The following AFF2 variants were observed in gnomAD, a reference collection of about 807,000 sequenced individuals.
AFF2 encodes the protein AF4/FMR2 family member 2.
Under a neutral mutation model 76.9 loss-of-function variants are expected in AFF2, and 14 were observed. The ratio of observed to expected loss-of-function variants is 0.18; its 90% CI spans 0.12 to 0.28. The LOEUF (loss-of-function observed/expected upper bound fraction) is 0.28. Ranked by LOEUF, AFF2 falls within the 10% of genes least tolerant of loss-of-function variation. The pLI is 1.00. For missense variants in AFF2, 868 were observed against 1,001.1 expected, an observed-to-expected ratio of 0.87 and a Z score of 1.79; for synonymous variants, 398 against 366.7, an observed-to-expected ratio of 1.09 and a Z score of -0.98.
intron 3 of AFF2, among the ~76,000 whole-genome samples, chrX:148,673,584 A>G (rs782568555): frequency 1.4e-4 from 16 of 112,128 alleles, no homozygotes. Flanking sequence ...TGAAAATACT[A>G]TACATGTATC....
chrX:148,922,458 A>G (rs2071606510), intron 9 of AFF2, among the ~76,000 whole-genome samples: 1 of 112,348 alleles, frequency 8.9e-6, no homozygotes, highest in Non-Finnish European at 1.9e-5. Flanking sequence ...ATGGCTCAAA[A>G]ACATGAAGCT....
At chrX:148,689,888 T>G (rs1219663297) in intron 3 of AFF2, among the ~76,000 whole-genome samples, 1 of 112,417 alleles carries the variant, frequency 8.9e-6, no homozygotes, top group African/African-American at 3.2e-5. Context: ...TATTAGTTAT[T>G]TGCTTATTCA....
At chrX:148,635,275 AAG>A (rs2054019164) in intron 1 of AFF2, among the ~76,000 whole-genome samples, 1 of 110,814 alleles carries the variant, frequency 9.0e-6, no homozygotes, top group Non-Finnish European at 1.9e-5. Flanking sequence ...GGGTGAGAGA[AAG>A]AGAGATCTGA....
intron 9 of AFF2, among the ~76,000 whole-genome samples, chrX:148,928,678 C>G (rs1478107733): frequency 8.9e-6 from 1 of 112,142 alleles, no homozygotes. Context: ...CAGAAGCAGG[C>G]CCTGTTTGGT....
intron 9 of AFF2, among the ~76,000 whole-genome samples, chrX:148,927,000 G>A (rs782365759): frequency 1.2e-4 from 14 of 112,062 alleles, no homozygotes; most frequent in Non-Finnish European, 1.7e-4. Context: ...GACCTAAGGC[G>A]TCACTTTCTC....
At chrX:148,968,808 A>G (rs1334667335) in intron 15 of AFF2, among the ~76,000 whole-genome samples, 3 of 112,456 alleles carry the variant, frequency 2.7e-5, no homozygotes, top group Non-Finnish European at 3.8e-5. Context: ...ATGACAAGGC[A>G]GGCTGGGTGC....
At position 148,875,318 on chromosome X, in the gene AFF2, T is replaced by C. The variant is rs782644766; in HGVS notation, c.1263-10571T>C. On this transcript the variant is annotated intron_variant, in intron 7 of 20. Coordinates refer to ENST00000370460, the MANE Select transcript of AFF2 (RefSeq NM_002025.4). ...ATTGTGAATATCAATAAAAAGGTGATGTGTTTTTAAAAGATTAATAATTTA... is the reference window on the plus strand; with the variant it reads ...ATTGTGAATATCAATAAAAAGGTGACGTGTTTTTAAAAGATTAATAATTTA... 9.8e-5 allele frequency among the ~76,000 whole-genome samples: 11 copies of C among 112,396 alleles called. No homozygotes were observed. The South Asian group carries it at 3.7e-3, about 38-fold the overall frequency.
At chrX:148,842,945 C>T in intron 5 of AFF2, 21 bp from the exon 6 acceptor site, 1 of 1,167,047 alleles carries the variant, frequency 8.6e-7, no homozygotes, top group Non-Finnish European at 1.2e-6. Flanking sequence ...ATGTTTGTGT[C>T]ATATATATTA....
intron 1 of AFF2, among the ~76,000 whole-genome samples, chrX:148,623,943 T>A (rs2053896794): frequency 9.0e-6 from 1 of 111,384 alleles, no homozygotes; most frequent in African/African-American, 3.3e-5. Context: ...AGAAGGTCTG[T>A]GATAAGCTGG....
At chrX:148,831,114 A>C (rs782484569) in intron 4 of AFF2, among the ~76,000 whole-genome samples, 36 of 112,252 alleles carry the variant, frequency 3.2e-4, no homozygotes, top group Non-Finnish European at 5.3e-4. Context: ...CCAGACTTTA[A>C]GGTTATCTCC....
chrX:148,523,752 C>A (rs782755352), intron 1 of AFF2, among the ~76,000 whole-genome samples: 2 of 112,239 alleles, frequency 1.8e-5, no homozygotes, highest in Admixed American at 1.9e-4. Flanking sequence ...AACTGCTTTT[C>A]TTTTCTCTTT....
intron 6 of AFF2, 138 bp from the exon 7 acceptor site, chrX:148,843,244 C>G: frequency 1.9e-6 from 1 of 531,678 alleles, no homozygotes; most frequent in Non-Finnish European, 3.0e-6. Context: ...ACTGGTTCCC[C>G]CCCTTTTTTT....
chrX:148,991,245 T>C lies in AFF2; in HGVS notation c.3849T>C (p.Pro1283=). The change falls in exon 21 of 21, where the codon CCT becomes CCC. Residue 1283 remains proline (P), a synonymous_variant. Coordinates refer to ENST00000370460, the MANE Select transcript of AFF2 (RefSeq NM_002025.4). ...FFGDLDTLMG[P]LTQHSSMTNL... is the part of the protein sequence containing the mutation. ...GTGATCTGGACACGCTGATGGGGCC[T>C]CTGACCCAGCACAGCAGCATGACCA... 2.5e-6 allele frequency: 3 copies of C among 1,209,125 alleles called. No individual in the cohort carries two copies. Among genetic ancestry groups the C allele is most frequent in the Non-Finnish European group, 2.2e-6 (2 of 893,789 alleles).
chrX:148,765,239 T>G (rs1024779564), intron 3 of AFF2, among the ~76,000 whole-genome samples: 3 of 111,706 alleles, frequency 2.7e-5, no homozygotes, highest in Non-Finnish European at 5.6e-5. Context: ...ATTTTCTTTT[T>G]TCTTCTTCCC....
At chrX:148,872,750 T>C (rs2070992758) in intron 7 of AFF2, among the ~76,000 whole-genome samples, 1 of 111,619 alleles carries the variant, frequency 9.0e-6, no homozygotes, top group Non-Finnish European at 1.9e-5. Context: ...GGTTGGGTTC[T>C]CGTAAAAACC....
chrX:148,901,325 A>G (rs1016632042), intron 8 of AFF2, among the ~76,000 whole-genome samples: 1 of 111,725 alleles, frequency 9.0e-6, no homozygotes, highest in Admixed American at 9.5e-5. Context: ...AGCTTCCTCA[A>G]TTGTGAGATA....
intron 18 of AFF2, among the ~76,000 whole-genome samples, chrX:148,979,077 A>G (rs1226817745): frequency 8.9e-6 from 1 of 112,052 alleles, no homozygotes; most frequent in South Asian, 3.7e-4. Context: ...GCAAACAGCA[A>G]CTTCATACTA....
chrX:148,879,777 GAA>G (rs143500934), intron 7 of AFF2, among the ~76,000 whole-genome samples: 1 of 102,964 alleles, frequency 9.7e-6, no homozygotes, highest in African/African-American at 3.5e-5. Flanking sequence ...ATTTAAAAAT[GAA>G]AAAAAAAAAA....
At chrX:148,835,737 G>A (rs782718081) in intron 4 of AFF2, among the ~76,000 whole-genome samples, 2 of 109,993 alleles carry the variant, frequency 1.8e-5, no homozygotes, top group Non-Finnish European at 1.9e-5. Context: ...CCCACCTCGG[G>A]CTCCCAAAGT....
Sources: allele counts gnomAD v4.1 joint callset (sites outside exome capture counted in the v4.1 genomes callset), GRCh38; gene constraint gnomAD v4.1.1; transcripts MANE v1.5; gene names NCBI Gene and HGNC (gene_info 2026-07-23, HGNC 2026-07-21).